Variants in ZNF605 observed in about 807,000 individuals in gnomAD.
ZNF605 encodes zinc finger protein 605.
ZNF605 carries 9 observed loss-of-function variants against 7.9 expected under a neutral mutation model. That is an observed-to-expected ratio of 1.14 (90% CI 0.68 to 1.98). The LOEUF is 1.98. Among genes scored for constraint, ZNF605 ranks in the 30% most tolerant of loss-of-function variants. The pLI is 0.00. For missense variants in ZNF605, 673 were observed against 762.4 expected, an observed-to-expected ratio of 0.88 and a Z score of 1.38; for synonymous variants, 255 against 260.1, an observed-to-expected ratio of 0.98 and a Z score of 0.19.
In ZNF605 at chr12:132,926,844, C is replaced by A. The variant is rs1952253103; in HGVS notation, c.455G>T (p.Ser152Ile). The change falls in exon 5 of 5, where the codon AGC becomes ATC. Residue 152 changes from serine (S) to isoleucine (I), a missense_variant. Transcript: ENST00000360187. The stretch of plus-strand genomic sequence containing the variant: ...AGCAGTGAGCCATGGCTCTTCGTTG[C>A]TGGATTTTCTACATGTACTGCAATC... ...YCDCSTCRKS[S>I]NEEPWLTANH... 2 of 1,614,208 alleles carry A rather than the reference C, an allele frequency of 1.2e-6. No individual in the cohort carries two copies. Among genetic ancestry groups the A allele is most frequent in the Non-Finnish European group, 1.7e-6 (2 of 1,180,040 alleles).
At chr12:132,956,042 C>A (rs1952633733) in intron 1 of ZNF605, among the ~76,000 whole-genome samples, 1 of 137,096 alleles carries the variant, frequency 7.3e-6, no homozygotes, top group Non-Finnish European at 1.7e-5. Flanking sequence ...GCCCCCAGAG[C>A]CCCCGCCTGA....
At chr12:132,936,489 C>T (rs1186732087) in intron 3 of ZNF605, among the ~76,000 whole-genome samples, 2 of 152,108 alleles carry the variant, frequency 1.3e-5, no homozygotes, top group African/African-American at 2.4e-5. Flanking sequence ...TCAAGACTTC[C>T]TATGCAACCA....
chr12:132,937,094 C>T (rs1952374317), intron 3 of ZNF605, among the ~76,000 whole-genome samples: 1 of 152,144 alleles, frequency 6.6e-6, no homozygotes, highest in East Asian at 1.9e-4. Context: ...CGCGGTGGCT[C>T]ACGCCTGTAA....
intron 3 of ZNF605, among the ~76,000 whole-genome samples, chr12:132,938,089 T>G (rs1952386955): frequency 6.6e-6 from 1 of 152,110 alleles, no homozygotes; most frequent in Non-Finnish European, 1.5e-5. Flanking sequence ...CACGCCATTC[T>G]CCTGCCTCAG....
intron 1 of ZNF605, among the ~76,000 whole-genome samples, chr12:132,953,460 C>A (rs955745140): frequency 1.3e-5 from 2 of 152,322 alleles, no homozygotes; most frequent in Admixed American, 6.5e-5. Context: ...TGGAGTCTCA[C>A]TCTGTCATCA....
chr12:132,943,346 G>A (rs1198046250), intron 3 of ZNF605, among the ~76,000 whole-genome samples: 1 of 149,820 alleles, frequency 6.7e-6, no homozygotes, highest in African/African-American at 2.5e-5. Context: ...GCGACAGAGC[G>A]AGACTCCATC....
intron 1 of ZNF605, 72 bp from the exon 2 acceptor site, chr12:132,948,342 T>A (rs899981689): frequency 2.6e-5 from 4 of 152,240 alleles, no homozygotes; most frequent in African/African-American, 9.6e-5. Flanking sequence ...CTACCTCACG[T>A]AGCAATCCTG....
rs1952211751 is a variant in ZNF605 at position 132,922,153 on chromosome 12, T to C, written c.*3220A>G. On this transcript the variant is annotated 3_prime_UTR_variant, in exon 5 of 5. Transcript: ENST00000360187. ...TGATGGGTCAGGGGTATTTTAATTG[T>C]ACAGCATAACACTTTAGAGAGCTGG... 2 of 152,116 alleles carry C rather than the reference T, an allele frequency of 1.3e-5. No individual in the cohort carries two copies. The highest frequency in any genetic ancestry group is 2.4e-5 in the African/African-American group (1 of 41,362). The allele number at this position is 152,116 out of a possible 1,614,324, so 9.4% of individuals were successfully genotyped here. A position where few individuals can be genotyped will look rare whatever the true frequency, so the allele number is the denominator to read the frequency against.
At chr12:132,932,902 A>C in intron 4 of ZNF605, 133 bp downstream of exon 4, 1 of 1,360,632 alleles carries the variant, frequency 7.3e-7, no homozygotes, top group Non-Finnish European at 9.8e-7. Flanking sequence ...AAAATAAAGC[A>C]AGTGAATGAA....
rs1438232675 is a variant in ZNF605 at position 132,926,293 on chromosome 12, G to T, written c.1006C>A (p.Pro336Thr). The T allele has an allele frequency of 1.2e-6, 2 of 1,613,972 alleles. No homozygotes were observed. Among genetic ancestry groups the T allele is most frequent in the African/African-American group, 1.3e-5 (1 of 74,862 alleles). The change falls in exon 5 of 5, where the codon CCT becomes ACT. Residue 336 changes from proline to threonine, a missense_variant. Pro to Thr is a conservative substitution (Grantham distance 38). Coordinates refer to ENST00000360187, the MANE Select transcript of ZNF605 (RefSeq NM_183238.4). ...THQRTHTGKK[P>T]YGCGECQKAF... ...TTTTGACACTCACCACATCCGTAAG[G>T]TTTCTTCCCTGTGTGGGTCCTCTGA... is the stretch of plus-strand genomic sequence containing the variant.
chr12:132,935,066 G>A (rs1952350196), intron 3 of ZNF605, among the ~76,000 whole-genome samples: 1 of 152,126 alleles, frequency 6.6e-6, no homozygotes, highest in African/African-American at 2.4e-5. Context: ...GGGAGCGGTG[G>A]GAATGGTCCT....
chr12:132,946,703 G>A (rs1952497220), intron 2 of ZNF605, among the ~76,000 whole-genome samples: 2 of 152,200 alleles, frequency 1.3e-5, no homozygotes, highest in African/African-American at 4.8e-5. Flanking sequence ...AGTTGCGGGA[G>A]TGGCAACTCA....
rs1952331414 is a variant in ZNF605, at chr12:132,933,902, C to T, written c.16-747G>A. Among the ~76,000 whole-genome samples, 1 of 152,216 alleles carries T rather than the reference C, an allele frequency of 6.6e-6. No homozygotes were observed. The highest frequency in any genetic ancestry group is 1.5e-5 in the Non-Finnish European group (1 of 68,042). ...GAGAACCATTCTTAGGTAAGGAATA[C>T]TGTTCCATGCAGTTGAGCCCTTCAG... is the stretch of plus-strand genomic sequence containing the variant. On this transcript the variant is annotated intron_variant, in intron 3 of 4. Coordinates refer to ENST00000360187, the MANE Select transcript of ZNF605 (RefSeq NM_183238.4). The surrounding 1 kb of genome is among the most constrained non-coding windows in gnomAD (Gnocchi z 4.4).
intron 1 of ZNF605, among the ~76,000 whole-genome samples, chr12:132,950,631 C>A (rs58809520): frequency 0.031 from 4,711 of 151,258 alleles, 249 homozygotes; most frequent in African/African-American, 0.11. Context: ...TACACAGACA[C>A]CCTGAGTACA....
At chr12:132,954,423 TG>T (rs1260817034) in intron 1 of ZNF605, among the ~76,000 whole-genome samples, 1 of 1,412 alleles carries the variant, frequency 7.1e-4, no homozygotes, top group African/African-American at 1.1e-3. Flanking sequence ...ATGAGAAGGA[TG>T]GGGGAGGAGA....
intron 3 of ZNF605, among the ~76,000 whole-genome samples, chr12:132,936,831 C>G (rs1952371858): frequency 6.6e-6 from 1 of 152,032 alleles, no homozygotes; most frequent in Non-Finnish European, 1.5e-5. Flanking sequence ...ACACCAAAAG[C>G]CTGATCAATT....
At chr12:132,942,949 T>C in intron 3 of ZNF605, among the ~76,000 whole-genome samples, 1 of 152,172 alleles carries the variant, frequency 6.6e-6, no homozygotes, top group East Asian at 1.9e-4. Flanking sequence ...ACGATTTACC[T>C]GGTTATTGTC....
chr12:132,939,039 A>C (rs375696986), intron 3 of ZNF605, among the ~76,000 whole-genome samples: 23,511 of 150,618 alleles, frequency 0.16, 2,557 homozygotes, highest in Non-Finnish European at 0.19. Flanking sequence ...CCTCCCACCC[A>C]CTCCATGGGC....
At chr12:132,938,833 GCGCCGCACT>G (rs1169011050) in intron 3 of ZNF605, among the ~76,000 whole-genome samples, 2 of 151,930 alleles carry the variant, frequency 1.3e-5, no homozygotes, top group African/African-American at 4.8e-5. Context: ...GGCTTGGTGG[GCGCCGCACT>G]CGGAGCAGCC....
Sources: allele counts gnomAD v4.1 joint callset (sites outside exome capture counted in the v4.1 genomes callset), GRCh38; gene constraint gnomAD v4.1.1; non-coding constraint Gnocchi (gnomAD v3.1); transcripts MANE v1.5; gene names NCBI Gene and HGNC (gene_info 2026-07-23, HGNC 2026-07-21).